CAMTA1: variants seen among roughly 807,000 people sequenced by gnomAD.
CAMTA1 encodes the protein calmodulin binding transcription activator 1.
A neutral mutation model predicts 170.9 loss-of-function variants in CAMTA1; 27 were observed. The ratio of observed to expected loss-of-function variants is 0.16; its 90% CI spans 0.12 to 0.22. CAMTA1 has a LOEUF of 0.22. CAMTA1 is among the 10% of genes least tolerant of loss of function. The pLI, the probability that CAMTA1 is intolerant of heterozygous loss-of-function variation, is 1.00. For missense variants in CAMTA1, 1,619 were observed against 2,217.2 expected, an observed-to-expected ratio of 0.73 and a Z score of 5.42; for synonymous variants, 833 against 891.5, an observed-to-expected ratio of 0.93 and a Z score of 1.17.
At position 6,925,350 on chromosome 1, in the gene CAMTA1, C is replaced by T. The variant is rs555892112; in HGVS notation, c.234+100140C>T. Among the ~76,000 whole-genome samples the T allele has an allele frequency of 2.0e-5, 3 of 152,238 alleles. No individual in the cohort carries two copies. In the South Asian group the frequency reaches 6.2e-4, roughly 32 times the overall value. On this transcript the variant is annotated intron_variant, in intron 3 of 22. Transcript: ENST00000303635. ...GGGTTACACGTGTCCTCACACTGTG[C>T]CTCGTGCAAAAAAAGGGTCACTTCT...
Position 7,738,369 on chromosome 1 carries a change from G to A in CAMTA1, c.4069G>A (p.Glu1357Lys), listed in dbSNP as rs866871548. ...AGCACCTTCACAGGTGCGTCCACGG[G>A]AACCAATGAGTGTCCTGATGATGGC... ...EAAPSQVRPR[E>K]PMSVLMMANR... Residue 1357 changes from glutamate to lysine, a missense_variant, in exon 16 of 23, where the codon GAA (glutamate) becomes AAA (lysine). By Grantham distance (56) the Glu-to-Lys change is moderately conservative. This residue lies in a region of CAMTA1 where 370 missense variants were observed against 429.4 expected (regional missense o/e 0.86). Transcript: ENST00000303635. This position sits in a 1 kb window ranked among gnomAD's most constrained non-coding sequence, Gnocchi z 4.9. 6.2e-7 allele frequency: 1 copy of A among 1,614,096 alleles called. No individual in the cohort carries two copies. Among genetic ancestry groups the A allele is most frequent in the South Asian group, 1.1e-5 (1 of 91,092 alleles).
chr1:7,464,481 G>T (rs977148981), intron 5 of CAMTA1, among the ~76,000 whole-genome samples: 7 of 152,210 alleles, frequency 4.6e-5, no homozygotes, highest in Non-Finnish European at 7.3e-5. Context: ...AATTGGCTTG[G>T]TAATGACCTT....
At chr1:7,603,199 C>T (rs1359352660) in intron 6 of CAMTA1, among the ~76,000 whole-genome samples, 1 of 152,150 alleles carries the variant, frequency 6.6e-6, no homozygotes, top group East Asian at 1.9e-4. Flanking sequence ...TCTATTAGGT[C>T]TGTTTGGTGC....
chr1:7,365,357 T>C (rs845265), intron 5 of CAMTA1, among the ~76,000 whole-genome samples: 95,624 of 152,170 alleles, frequency 0.63, 31,855 homozygotes, highest in Non-Finnish European at 0.75. Context: ...TGTTGAATAC[T>C]GAAATCTCAT....
At chr1:7,500,050 TGC>T (rs2093959977) in intron 6 of CAMTA1, among the ~76,000 whole-genome samples, 1 of 143,176 alleles carries the variant, frequency 7.0e-6, no homozygotes, top group East Asian at 2.3e-4. Context: ...GAGCCTGGTG[TGC>T]GTGTGTACGT....
At chr1:7,656,432 G>C (rs759684910) in intron 7 of CAMTA1, among the ~76,000 whole-genome samples, 3 of 152,228 alleles carry the variant, frequency 2.0e-5, no homozygotes, top group Non-Finnish European at 4.4e-5. Context: ...AGTCCTGCTG[G>C]GATAGGGTCC....
chr1:6,872,233 T>TCACCACCAC (rs35457975), intron 3 of CAMTA1, among the ~76,000 whole-genome samples: 19 of 150,176 alleles, frequency 1.3e-4, no homozygotes, highest in Admixed American at 3.3e-4. Context: ...ACCCTCACCA[T>TCACCACCAC]CACCACCACC....
intron 22 of CAMTA1, among the ~76,000 whole-genome samples, chr1:7,758,544 G>A (rs1441145305): frequency 1.3e-5 from 2 of 152,166 alleles, no homozygotes; most frequent in African/African-American, 4.8e-5. Context: ...AAGTCACAGT[G>A]GCACTCCCTC....
rs1377769695 is a variant in CAMTA1, at chr1:7,736,931, T to G, written c.3264T>G (p.Arg1088=). 4 of 1,611,670 alleles carry G rather than the reference T, an allele frequency of 2.5e-6. No individual in the cohort carries two copies. The highest frequency in any genetic ancestry group is 1.3e-5 in the African/African-American group (1 of 74,850). The change falls in exon 14 of 23, where the codon CGT becomes CGG. Residue 1088 remains arginine, a splice_region_variant and synonymous_variant. Coordinates refer to ENST00000303635, the MANE Select transcript of CAMTA1 (RefSeq NM_015215.4). The surrounding 1 kb of genome is among the most constrained non-coding windows in gnomAD (Gnocchi z 4.5). ...ATLIQTLIKW[R]TKHADSIDLE... is the part of the protein sequence containing the mutation. ...TAATTTCTGGTGCTCTCCCTTATAG[T>G]ACAAAGCACGCGGATAGCATTGACC...
At chr1:6,822,509 A>G (rs182706995) in intron 2 of CAMTA1, among the ~76,000 whole-genome samples, 113 of 152,304 alleles carry the variant, frequency 7.4e-4, no homozygotes, top group African/African-American at 2.7e-3. Flanking sequence ...TTTCTTAAAA[A>G]CATCCAGTTT....
intron 3 of CAMTA1, among the ~76,000 whole-genome samples, chr1:6,833,404 G>GAT (rs1349232379): frequency 5.9e-5 from 9 of 152,214 alleles, no homozygotes; most frequent in Middle Eastern, 3.4e-3. Flanking sequence ...ATAAAACTCA[G>GAT]ATATATGCAT....
chr1:7,158,825 A>G (rs150926694), intron 4 of CAMTA1, among the ~76,000 whole-genome samples: 222 of 152,286 alleles, frequency 1.5e-3, no homozygotes, highest in African/African-American at 5.2e-3. Context: ...ATCTGGTAAA[A>G]CTAGATTCTT....
At chr1:7,351,358 C>T (rs148998641) in intron 5 of CAMTA1, among the ~76,000 whole-genome samples, 52 of 152,352 alleles carry the variant, frequency 3.4e-4, no homozygotes, top group African/African-American at 1.1e-3. Context: ...GCCTGAATGC[C>T]GCCAGGCTCC....
intron 4 of CAMTA1, among the ~76,000 whole-genome samples, chr1:7,125,531 C>T (rs113443252): frequency 8.5e-5 from 13 of 152,100 alleles, no homozygotes; most frequent in East Asian, 1.9e-4. Context: ...TAGGCACCTA[C>T]GGAAACACTT....
intron 11 of CAMTA1, among the ~76,000 whole-genome samples, chr1:7,727,186 G>C (rs1023324977): frequency 6.7e-6 from 1 of 148,628 alleles, no homozygotes; most frequent in Non-Finnish European, 1.5e-5. Context: ...GCAGTGGCGC[G>C]ATCTCGGCTC....
intron 5 of CAMTA1, among the ~76,000 whole-genome samples, chr1:7,447,041 G>A (rs2092698122): frequency 6.6e-6 from 1 of 152,134 alleles, no homozygotes; most frequent in African/African-American, 2.4e-5. Flanking sequence ...GAGTCAAGGT[G>A]GAGACCGTCC....
intron 5 of CAMTA1, among the ~76,000 whole-genome samples, chr1:7,447,885 G>A (rs1404400875): frequency 6.6e-6 from 1 of 152,254 alleles, no homozygotes; most frequent in Non-Finnish European, 1.5e-5. Context: ...GCAGGCACCT[G>A]GGTGCAGAGA....
At chr1:7,088,972 T>A (rs1283235897) in intron 3 of CAMTA1, among the ~76,000 whole-genome samples, 1 of 152,222 alleles carries the variant, frequency 6.6e-6, no homozygotes, top group East Asian at 1.9e-4. Context: ...TACCATTCAT[T>A]GTCTGCAGGC....
intron 6 of CAMTA1, among the ~76,000 whole-genome samples, chr1:7,632,753 C>T (rs1310232848): frequency 6.6e-6 from 1 of 152,248 alleles, no homozygotes; most frequent in Non-Finnish European, 1.5e-5. Context: ...ATGTGAGATC[C>T]CCAAGGCTCT....
Sources: allele counts gnomAD v4.1 joint callset (sites outside exome capture counted in the v4.1 genomes callset), GRCh38; gene constraint gnomAD v4.1.1; regional missense constraint gnomAD v4.1.1; non-coding constraint Gnocchi (gnomAD v3.1); transcripts MANE v1.5; gene names NCBI Gene and HGNC (gene_info 2026-07-23, HGNC 2026-07-21).